CCDC122: variants seen among roughly 807,000 people sequenced by gnomAD.
CCDC122 encodes coiled-coil domain-containing protein 122.
CCDC122 carries 38 observed loss-of-function variants against 37.0 expected under a neutral mutation model. The ratio of observed to expected loss-of-function variants is 1.03; its 90% CI spans 0.79 to 1.35. The LOEUF is 1.35. Among genes scored for constraint, CCDC122 ranks in the 40% most tolerant of loss-of-function variants. The pLI is 0.00. For missense variants in CCDC122, 305 were observed against 310.0 expected (o/e 0.98, Z 0.12); for synonymous variants, 83 against 95.6 (o/e 0.87, Z 0.77).
intron 6 of CCDC122, among the ~76,000 whole-genome samples, chr13:43,853,820 A>G (rs1953821687): frequency 6.6e-6 from 1 of 152,244 alleles, no homozygotes; most frequent in Non-Finnish European, 1.5e-5. Flanking sequence ...ATTAGAAATC[A>G]AGACTAAGAA....
chr13:43,873,760 T>C (rs1361293067), intron 2 of CCDC122, among the ~76,000 whole-genome samples: 1 of 152,192 alleles, frequency 6.6e-6, no homozygotes, highest in Non-Finnish European at 1.5e-5. Context: ...ACTATCTTAG[T>C]AGAGAAGCCT....
intron 6 of CCDC122, among the ~76,000 whole-genome samples, chr13:43,838,206 C>T (rs1429101760): frequency 6.6e-6 from 1 of 152,022 alleles, no homozygotes; most frequent in African/African-American, 2.4e-5. Flanking sequence ...TTAAATTTGT[C>T]TAAAGTTTTA....
At chr13:43,868,343 T>C (rs893171585) in intron 4 of CCDC122, among the ~76,000 whole-genome samples, 2 of 152,066 alleles carry the variant, frequency 1.3e-5, no homozygotes, top group South Asian at 4.1e-4. Context: ...TGACAGCAAG[T>C]AACTCACAAT....
At chr13:43,838,466 A>G (rs1182927955) in intron 6 of CCDC122, among the ~76,000 whole-genome samples, 3 of 152,184 alleles carry the variant, frequency 2.0e-5, no homozygotes, top group Non-Finnish European at 4.4e-5. Flanking sequence ...GTCGGGCCAC[A>G]AGAACACCCA....
At chr13:43,853,092 TA>T (rs1324532090) in intron 6 of CCDC122, among the ~76,000 whole-genome samples, 2 of 151,998 alleles carry the variant, frequency 1.3e-5, no homozygotes, top group Non-Finnish European at 2.9e-5. Context: ...GTCTGCAAAA[TA>T]ACCAGTTACC....
chr13:43,874,383 T>G (rs1322728001), intron 2 of CCDC122, among the ~76,000 whole-genome samples: 2 of 152,124 alleles, frequency 1.3e-5, no homozygotes, highest in African/African-American at 4.8e-5. Flanking sequence ...TTTCATTATT[T>G]TATAGTATCT....
At chr13:43,837,508 C>G in intron 6 of CCDC122, 79 bp from the exon 7 acceptor site, 1 of 1,275,872 alleles carries the variant, frequency 7.8e-7, no homozygotes, top group Non-Finnish European at 1.1e-6. Context: ...TTTGACTACT[C>G]TAAAGAGGGA....
At chr13:43,821,383 C>T (rs537357189), downstream of CCDC122, among the ~76,000 whole-genome samples, 1 of 152,262 alleles carries the variant, frequency 6.6e-6, no homozygotes, top group East Asian at 1.9e-4. Flanking sequence ...GCCACAATGT[C>T]TAGGTAATTT....
intron 4 of CCDC122, 54 bp downstream of exon 4, chr13:43,868,640 T>C (rs1954349781): frequency 6.9e-6 from 6 of 873,198 alleles, no homozygotes; most frequent in African/African-American, 1.8e-5. Context: ...AATCTCCTGG[T>C]CATTTACTTT....
At chr13:43,875,370 G>A (rs928144753) in intron 1 of CCDC122, among the ~76,000 whole-genome samples, 1 of 152,118 alleles carries the variant, frequency 6.6e-6, no homozygotes, top group African/African-American at 2.4e-5. Context: ...ATATATCCAC[G>A]TCCTAACTCC....
At chr13:43,834,113 A>G (rs1175759052), downstream of CCDC122, among the ~76,000 whole-genome samples, 1 of 152,232 alleles carries the variant, frequency 6.6e-6, no homozygotes, top group African/African-American at 2.4e-5. Context: ...GAACAGAGAT[A>G]TAGACCAATG....
chr13:43,875,014 A>G (rs1445055643), intron 1 of CCDC122, 87 bp from the exon 2 acceptor site: 1 of 152,180 alleles, frequency 6.6e-6, no homozygotes, highest in South Asian at 2.1e-4. Context: ...CATTATCCAC[A>G]CTGCTTCTAG....
rs148967214 is a variant in CCDC122, at chr13:43,842,141, A to C, written c.673-4712T>G. ...TTTGCTAACCCAACATAATGAAGAT[A>C]TCCTCCTATAGTTTCTTCTGGAAGC... On this transcript the variant is annotated intron_variant, in intron 6 of 6. Coordinates refer to ENST00000444614, the MANE Select transcript of CCDC122 (RefSeq NM_144974.5). Among the ~76,000 whole-genome samples the C allele has an allele frequency of 8.3e-3, 1,268 of 152,356 alleles. 13 individuals carry two copies. The highest frequency in any genetic ancestry group is 0.027 in the African/African-American group (1,128 of 41,584).
chr13:43,841,137 A>G (rs549638894), intron 6 of CCDC122, among the ~76,000 whole-genome samples: 5 of 152,284 alleles, frequency 3.3e-5, no homozygotes, highest in African/African-American at 9.6e-5. Context: ...CTTTCTAGGG[A>G]TATTTGTGAT....
At chr13:43,829,329 G>GGAGTC (rs1165074746) in intron 3 of CCDC122, among the ~76,000 whole-genome samples, 48 of 151,976 alleles carry the variant, frequency 3.2e-4, no homozygotes, top group Non-Finnish European at 4.4e-5. Context: ...TTTTTGAGAC[G>GGAGTC]GAGTCTTGCT....
intron 5 of CCDC122, among the ~76,000 whole-genome samples, 157 bp downstream of exon 5, chr13:43,859,515 C>G (rs984397079): frequency 6.6e-6 from 1 of 151,926 alleles, no homozygotes; most frequent in Non-Finnish European, 1.5e-5. Flanking sequence ...AACACATGTA[C>G]TTATTCCAAG....
intron 6 of CCDC122, among the ~76,000 whole-genome samples, chr13:43,838,251 T>C (rs1357775855): frequency 6.6e-6 from 1 of 152,218 alleles, no homozygotes; most frequent in Non-Finnish European, 1.5e-5. Context: ...AAGTTTTTCT[T>C]TTAACATCAG....
intron 6 of CCDC122, among the ~76,000 whole-genome samples, chr13:43,844,828 T>A (rs1953467095): frequency 6.6e-6 from 1 of 152,160 alleles, no homozygotes; most frequent in African/African-American, 2.4e-5. Context: ...TTTTCCTTTT[T>A]TTAACTTTCA....
At chr13:43,841,970 G>C (rs1278771179) in intron 6 of CCDC122, among the ~76,000 whole-genome samples, 2 of 152,202 alleles carry the variant, frequency 1.3e-5, no homozygotes, top group African/African-American at 2.4e-5. Context: ...GCCTCCCAAA[G>C]TGCTGGGATT....
Sources: allele counts gnomAD v4.1 joint callset (sites outside exome capture counted in the v4.1 genomes callset), GRCh38; gene constraint gnomAD v4.1.1; transcripts MANE v1.5; gene names NCBI Gene and HGNC (gene_info 2026-07-23, HGNC 2026-07-21).